Variants in RIT2 observed in about 807,000 individuals in gnomAD.
RIT2 encodes the protein Ras like without CAAX 2, also known as GTP-binding protein Rit2.
Under a neutral mutation model 23.7 loss-of-function variants are expected in RIT2, and 24 were observed. The ratio of observed to expected loss-of-function variants is 1.01; its 90% CI spans 0.73 to 1.43. The LOEUF (loss-of-function observed/expected upper bound fraction) is 1.43, where lower values mean the gene tolerates loss of function less well. Among genes scored for constraint, RIT2 ranks in the 40% most tolerant of loss-of-function variants. The pLI is 0.00. For missense variants in RIT2, 236 were observed against 266.9 expected (o/e 0.88, Z 0.81); for synonymous variants, 107 against 91.1 (o/e 1.17, Z -0.99).
intron 1 of RIT2, among the ~76,000 whole-genome samples, chr18:43,069,604 A>G (rs928017876): frequency 1.3e-5 from 2 of 152,150 alleles, no homozygotes; most frequent in African/African-American, 2.4e-5. Context: ...CAGAAACCAG[A>G]GTGACACATG....
At chr18:42,997,867 G>A (rs1429095708) in intron 2 of RIT2, among the ~76,000 whole-genome samples, 2 of 152,108 alleles carry the variant, frequency 1.3e-5, no homozygotes, top group Non-Finnish European at 2.9e-5. Context: ...GTCAACATCT[G>A]GGATTTAAAC....
chr18:42,856,541 T>C (rs1234125465), intron 4 of RIT2, among the ~76,000 whole-genome samples: 1 of 151,908 alleles, frequency 6.6e-6, no homozygotes, highest in Non-Finnish European at 1.5e-5. Context: ...TTAGGGGGAG[T>C]GATTTTTCAG....
At chr18:43,030,673 T>C (rs1205363730) in intron 2 of RIT2, among the ~76,000 whole-genome samples, 1 of 151,966 alleles carries the variant, frequency 6.6e-6, no homozygotes, top group Non-Finnish European at 1.5e-5. Context: ...CAGAAAAGTT[T>C]ATAGAGAGTT....
chr18:42,995,857 C>T (rs1223287710), intron 2 of RIT2, among the ~76,000 whole-genome samples: 1 of 152,188 alleles, frequency 6.6e-6, no homozygotes, highest in Non-Finnish European at 1.5e-5. Flanking sequence ...TCTGTCTAGT[C>T]ATACTCCTAT....
chr18:42,826,605 C>T (rs569609181), intron 4 of RIT2, among the ~76,000 whole-genome samples: 2 of 151,848 alleles, frequency 1.3e-5, no homozygotes, highest in East Asian at 3.9e-4. Context: ...CCTACCATCC[C>T]GTAGGTTGAC....
chr18:42,871,099 G>C (rs1314177412), intron 4 of RIT2, among the ~76,000 whole-genome samples: 1 of 152,134 alleles, frequency 6.6e-6, no homozygotes, highest in Admixed American at 6.5e-5. Flanking sequence ...CTCATGTTGA[G>C]ATATTATTAT....
intron 3 of RIT2, among the ~76,000 whole-genome samples, chr18:42,931,263 G>C (rs765934632): frequency 1.4e-4 from 22 of 152,118 alleles, no homozygotes; most frequent in Non-Finnish European, 2.9e-4. Flanking sequence ...ATGAGGATTG[G>C]AGGCTGGAGG....
intron 2 of RIT2, among the ~76,000 whole-genome samples, chr18:43,016,996 G>A (rs1911490418): frequency 6.6e-6 from 1 of 151,948 alleles, no homozygotes; most frequent in Non-Finnish European, 1.5e-5. Context: ...AAAGGTAATT[G>A]TAAACAGCTC....
At chr18:42,893,421 C>T (rs1344395663) in intron 4 of RIT2, among the ~76,000 whole-genome samples, 1 of 152,094 alleles carries the variant, frequency 6.6e-6, no homozygotes, top group Non-Finnish European at 1.5e-5. Context: ...CACCTTCTTG[C>T]TGTGTCCTCA....
intron 1 of RIT2, among the ~76,000 whole-genome samples, chr18:43,042,674 C>A (rs4516313): frequency 2.0e-5 from 3 of 152,070 alleles, no homozygotes; most frequent in African/African-American, 7.2e-5. Context: ...ATGTGTCAGA[C>A]GCTGTTTAGA....
intron 1 of RIT2, among the ~76,000 whole-genome samples, chr18:43,052,636 A>G (rs1333193470): frequency 6.6e-6 from 1 of 152,030 alleles, no homozygotes; most frequent in Non-Finnish European, 1.5e-5. Context: ...CACACTGTTG[A>G]CATTGCCCCA....
At chr18:42,908,359 G>C (rs891326651) in intron 4 of RIT2, among the ~76,000 whole-genome samples, 4 of 152,080 alleles carry the variant, frequency 2.6e-5, no homozygotes, top group South Asian at 2.1e-4. Context: ...AAGAGAAATG[G>C]AGAGGAGCTA....
chr18:42,976,820 G>T (rs1910487725), intron 2 of RIT2, among the ~76,000 whole-genome samples: 2 of 152,050 alleles, frequency 1.3e-5, no homozygotes, highest in African/African-American at 4.8e-5. Context: ...ACAGAAAGAA[G>T]ATTAAGTAAA....
intron 2 of RIT2, among the ~76,000 whole-genome samples, chr18:43,015,933 A>G (rs1911464766): frequency 6.6e-6 from 1 of 151,850 alleles, no homozygotes; most frequent in African/African-American, 2.4e-5. Context: ...ACCCCTGTCT[A>G]TCTTAAACAG....
At position 43,020,456 on chromosome 18, in the gene RIT2, A is replaced by C. The variant is rs35805818; in HGVS notation, c.160+13355T>G. On this transcript the variant is annotated intron_variant, in intron 2 of 4. Transcript: ENST00000326695. ...AGCCGAGATCATGTCACTGCACTCC[A>C]GCCTGAGCAACAGAGTGAGACTCTG... Among the ~76,000 whole-genome samples, 632 of 152,232 alleles carry C rather than the reference A, an allele frequency of 4.2e-3. 3 individuals are homozygous for C. Among genetic ancestry groups the C allele is most frequent in the Non-Finnish European group, 4.5e-3 (309 of 67,990 alleles).
At chr18:42,971,161 CAAAAGACAACAAGGTGATATTATT>C (rs1017184703) in intron 3 of RIT2, among the ~76,000 whole-genome samples, 11 of 151,834 alleles carry the variant, frequency 7.2e-5, no homozygotes, top group African/African-American at 1.9e-4. Context: ...TTAATAGTAC[CAAAAGACAACAAGGTGATATTATT>C]AAAAGAATTT....
intron 4 of RIT2, among the ~76,000 whole-genome samples, chr18:42,895,047 T>C (rs56804073): frequency 0.024 from 3,662 of 152,294 alleles, 149 homozygotes; most frequent in African/African-American, 0.082. Flanking sequence ...ATTTCCCTCT[T>C]ATCCCTAAGG....
chr18:42,945,880 T>C lies in RIT2; in HGVS notation c.235-22117A>G, dbSNP rs534942970. On this transcript the variant is annotated intron_variant, in intron 3 of 4. Coordinates refer to ENST00000326695, the MANE Select transcript of RIT2 (RefSeq NM_002930.4). ...AGTATTTGATACATTTTAAGCTAGTTTTATCATTGGAAGTATTTGCATGAG... is the reference window on the plus strand; with the variant it reads ...AGTATTTGATACATTTTAAGCTAGTCTTATCATTGGAAGTATTTGCATGAG... 1.7e-4 allele frequency among the ~76,000 whole-genome samples: 26 copies of C among 152,228 alleles called. No individual in the cohort carries two copies. In the South Asian group the frequency reaches 5.2e-3, roughly 30 times the overall value.
intron 3 of RIT2, among the ~76,000 whole-genome samples, chr18:42,971,349 A>G (rs1048300771): frequency 1.3e-5 from 2 of 152,016 alleles, no homozygotes; most frequent in African/African-American, 4.8e-5. Context: ...GTTTGGCTGC[A>G]GTTGAAACTA....
Sources: allele counts gnomAD v4.1 joint callset (sites outside exome capture counted in the v4.1 genomes callset), GRCh38; gene constraint gnomAD v4.1.1; transcripts MANE v1.5; gene names NCBI Gene and HGNC (gene_info 2026-07-23, HGNC 2026-07-21).